MAK: variants seen among roughly 807,000 people sequenced by gnomAD.
MAK encodes the protein male germ cell associated kinase, also known as serine/threonine-protein kinase MAK.
In MAK, 65 loss-of-function variants were observed where a neutral mutation model predicts 82.6. That is an observed-to-expected ratio of 0.79 (90% CI 0.64 to 0.97). The LOEUF (loss-of-function observed/expected upper bound fraction) is 0.97, where lower values mean the gene tolerates loss of function less well. Ranked by LOEUF, MAK falls within the 50% of genes least tolerant of loss-of-function variation. MAK has a pLI of 0.00. For synonymous variants in MAK, 250 were observed against 274.2 expected, an observed-to-expected ratio of 0.91 and a Z score of 0.87; for missense variants, 703 against 780.2, an observed-to-expected ratio of 0.90 and a Z score of 1.18.
At chr6:10,829,601 A>C (rs1778622246) in intron 2 of MAK, among the ~76,000 whole-genome samples, 1 of 152,146 alleles carries the variant, frequency 6.6e-6, no homozygotes, top group African/African-American at 2.4e-5. Context: ...CCAACAAATA[A>C]ATTTGGAAGA....
chr6:10,782,433 A>T (rs1018324943), intron 11 of MAK, among the ~76,000 whole-genome samples: 1 of 152,066 alleles, frequency 6.6e-6, no homozygotes, highest in African/African-American at 2.4e-5. Flanking sequence ...CTGTAAGTTT[A>T]TATCAACTTA....
At chr6:10,773,225 C>T in intron 12 of MAK, 117 bp from the exon 13 acceptor site, 1 of 525,536 alleles carries the variant, frequency 1.9e-6, no homozygotes, top group Non-Finnish European at 3.3e-6. Flanking sequence ...CTTAAAAATG[C>T]AAAAATGTCC....
intron 13 of MAK, 61 bp downstream of exon 13, chr6:10,772,973 G>A (rs1394228412): frequency 1.7e-5 from 19 of 1,150,840 alleles, no homozygotes; most frequent in Non-Finnish European, 2.3e-5. Context: ...CAAATGTTGA[G>A]AAGAAAATCA....
intron 6 of MAK, among the ~76,000 whole-genome samples, chr6:10,806,487 C>T (rs531819924): frequency 2.0e-5 from 3 of 149,830 alleles, no homozygotes; most frequent in Non-Finnish European, 4.4e-5. Context: ...TACAGGTGCC[C>T]GCCACCACAC....
chr6:10,800,671 C>G lies in MAK; in HGVS notation c.831+1221G>C, dbSNP rs906192024. Among the ~76,000 whole-genome samples, 1 of 152,046 alleles carries G rather than the reference C, an allele frequency of 6.6e-6. No individual in the cohort carries two copies. The highest frequency in any genetic ancestry group is 1.5e-5 in the Non-Finnish European group (1 of 68,014). On this transcript the variant is annotated intron_variant, in intron 8 of 14. Transcript: ENST00000354489. The surrounding 1 kb of genome is among the most constrained non-coding windows in gnomAD (Gnocchi z 4.2). ...CCTCACCAACATGGAGAAACCCTGTCTCTACTAAAAATACAAAATTAGCCA... is the reference window on the plus strand; with the variant it reads ...CCTCACCAACATGGAGAAACCCTGTGTCTACTAAAAATACAAAATTAGCCA...
chr6:10,798,811 T>C (rs896869018), intron 8 of MAK, among the ~76,000 whole-genome samples: 15 of 136,580 alleles, frequency 1.1e-4, no homozygotes, highest in Admixed American at 3.5e-4. Context: ...TATTTATTTA[T>C]TTATTTATTT....
At chr6:10,837,714 CTAACCACTAAAAACCAGTTT>C (rs1382791472) in intron 1 of MAK, among the ~76,000 whole-genome samples, 1 of 152,240 alleles carries the variant, frequency 6.6e-6, no homozygotes, top group African/African-American at 2.4e-5. Context: ...ATTGAGATTA[CTAACCACTAAAAACCAGTTT>C]TATTGCTCTC....
chr6:10,835,079 G>A (rs142971312), intron 1 of MAK, among the ~76,000 whole-genome samples: 22 of 152,322 alleles, frequency 1.4e-4, no homozygotes, highest in African/African-American at 4.8e-4. Context: ...GCAGTCCTGC[G>A]TCTGGATGAT....
intron 9 of MAK, 94 bp downstream of exon 9, chr6:10,795,904 A>G: frequency 2.2e-6 from 3 of 1,373,122 alleles, no homozygotes; most frequent in Non-Finnish European, 3.1e-6. Flanking sequence ...AAAATCTTTT[A>G]TATCTTTTCC....
intron 2 of MAK, 107 bp downstream of exon 2, chr6:10,830,441 G>C: frequency 1.1e-6 from 1 of 921,404 alleles, no homozygotes. Flanking sequence ...TGGGATTACA[G>C]GCATGAGCCA....
At chr6:10,816,877 CAAAT>C (rs939063709) in intron 4 of MAK, among the ~76,000 whole-genome samples, 7 of 151,854 alleles carry the variant, frequency 4.6e-5, no homozygotes, top group Admixed American at 2.0e-4. Context: ...GTAAATTAAT[CAAAT>C]AAAAAACTTT....
intron 8 of MAK, among the ~76,000 whole-genome samples, chr6:10,801,127 C>T (rs1254845351): frequency 6.6e-6 from 1 of 152,162 alleles, no homozygotes; most frequent in African/African-American, 2.4e-5. Context: ...TATCACCGCT[C>T]TCTAATTCCT....
intron 11 of MAK, chr6:10,780,316 C>G: frequency 1.0e-5 from 9 of 861,952 alleles, no homozygotes; most frequent in Non-Finnish European, 1.3e-5. Context: ...CATTAGGAAG[C>G]AGAACTATGA....
At chr6:10,820,531 A>C (rs1473634199) in intron 2 of MAK, among the ~76,000 whole-genome samples, 1 of 152,226 alleles carries the variant, frequency 6.6e-6, no homozygotes, top group African/African-American at 2.4e-5. Flanking sequence ...GCATAAGAAA[A>C]GCATCTTGCA....
intron 11 of MAK, 83 bp downstream of exon 11, chr6:10,784,341 C>T (rs1774309896): frequency 2.7e-6 from 4 of 1,489,086 alleles, no homozygotes; most frequent in African/African-American, 1.4e-5. Flanking sequence ...TCACTGCTGC[C>T]CTTTCTTTGG....
chr6:10,801,447 C>T (rs1776011514), intron 8 of MAK, among the ~76,000 whole-genome samples: 1 of 152,236 alleles, frequency 6.6e-6, no homozygotes, highest in African/African-American at 2.4e-5. Context: ...CCAGAGGCTG[C>T]ACACTCCAGT....
chr6:10,781,282 G>C (rs1426428096), intron 11 of MAK, among the ~76,000 whole-genome samples: 2 of 152,048 alleles, frequency 1.3e-5, no homozygotes, highest in Non-Finnish European at 2.9e-5. Flanking sequence ...AAAAATGTTA[G>C]AATAACTTAT....
chr6:10,779,368 A>G, intron 11 of MAK: 14 of 985,398 alleles, frequency 1.4e-5, no homozygotes, highest in Non-Finnish European at 1.7e-5. Flanking sequence ...TAAGTTACAG[A>G]AAACAGAATC....
Position 10,793,546 on chromosome 6 carries a change from A to G in MAK, c.1144-1699T>C, listed in dbSNP as rs1775259298. Among the ~76,000 whole-genome samples the G allele has an allele frequency of 6.6e-6, 1 of 152,350 alleles. No homozygotes were observed. The highest frequency in any genetic ancestry group is 2.4e-5 in the African/African-American group (1 of 41,586). On this transcript the variant is annotated intron_variant, in intron 9 of 14. Transcript: ENST00000354489. This position sits in a 1 kb window ranked among gnomAD's most constrained non-coding sequence, Gnocchi z 4.6. ...ACTTTTTGAATCCTAGAGATGAAAT[A>G]CACAAGTCAGAGGTACAGAATATGC... is the stretch of plus-strand genomic sequence containing the variant.
Sources: gnomAD v4.1 joint callset for allele counts (sites outside exome capture counted in the v4.1 genomes callset) on GRCh38, gnomAD v4.1.1 for gene constraint, Gnocchi (gnomAD v3.1) non-coding constraint, MANE v1.5 for transcripts, NCBI Gene and HGNC (gene_info 2026-07-23, HGNC 2026-07-21) for gene names.